The following MRPS5 variants were observed in gnomAD, a reference collection of about 807,000 sequenced individuals.
MRPS5 encodes the protein mitochondrial ribosomal protein S5, also known as small ribosomal subunit protein uS5m.
A neutral mutation model predicts 51.9 loss-of-function variants in MRPS5; 27 were observed. The ratio of observed to expected loss-of-function variants is 0.52; its 90% CI spans 0.38 to 0.72. MRPS5 has a LOEUF of 0.72. MRPS5 is among the 30% of genes least tolerant of loss of function. The pLI is 0.00. For missense variants in MRPS5, 570 were observed against 545.7 expected (o/e 1.04, Z -0.44); for synonymous variants, 196 against 193.2 (o/e 1.01, Z -0.12).
intron 4 of MRPS5, among the ~76,000 whole-genome samples, chr2:95,108,927 A>G (rs1286230671): frequency 6.6e-6 from 1 of 152,142 alleles, no homozygotes; most frequent in Non-Finnish European, 1.5e-5. Flanking sequence ...ATAAATTAAT[A>G]ACAATTTAAT....
In MRPS5 at chr2:95,086,960, A is replaced by G. The variant is rs2104387526; in HGVS notation, c.*397T>C. 6.6e-6 allele frequency among the ~76,000 whole-genome samples: 1 copy of G among 152,330 alleles called. No individual in the cohort carries two copies. The highest frequency in any genetic ancestry group is 1.9e-4 in the East Asian group (1 of 5,184). ...GTTTGGAAGTTCCTCACGGTAGTCA[A>G]GTTACTTAACTGCTCTGTAAAATGA... On this transcript the variant is annotated 3_prime_UTR_variant, in exon 12 of 12. Coordinates refer to ENST00000272418, the MANE Select transcript of MRPS5 (RefSeq NM_031902.5).
intron 3 of MRPS5, among the ~76,000 whole-genome samples, chr2:95,113,888 G>A (rs1220726937): frequency 6.6e-6 from 1 of 151,962 alleles, no homozygotes; most frequent in African/African-American, 2.4e-5. Context: ...TTGGGAGGCT[G>A]AGGCAGGTGG....
intron 7 of MRPS5, among the ~76,000 whole-genome samples, chr2:95,102,168 A>C (rs1310631435): frequency 1.3e-5 from 2 of 151,742 alleles, no homozygotes; most frequent in Non-Finnish European, 2.9e-5. Context: ...AAAAAAAAAA[A>C]CCTAACAATA....
At chr2:95,092,972 T>C (rs1224577774) in intron 10 of MRPS5, 1 of 152,238 alleles carries the variant, frequency 6.6e-6, no homozygotes, top group Non-Finnish European at 1.5e-5. Flanking sequence ...TGTGACAGAC[T>C]GTACCGGGAA....
At chr2:95,108,771 G>A (rs1409182205) in intron 4 of MRPS5, among the ~76,000 whole-genome samples, 3 of 152,046 alleles carry the variant, frequency 2.0e-5, no homozygotes, top group Admixed American at 2.0e-4. Flanking sequence ...AAAAGAACAA[G>A]GTAACTCTCT....
At chr2:95,106,623 C>T (rs1675958879) in intron 5 of MRPS5, 166 bp from the exon 6 acceptor site, 1 of 638,672 alleles carries the variant, frequency 1.6e-6, no homozygotes, top group African/African-American at 1.8e-5. Context: ...TCACTAGAGA[C>T]TGCTCCACCA....
At chr2:95,112,866 G>A (rs540950461) in intron 3 of MRPS5, among the ~76,000 whole-genome samples, 24 of 152,138 alleles carry the variant, frequency 1.6e-4, no homozygotes, top group East Asian at 5.8e-4. Context: ...TTAGCCGGGC[G>A]TGGTGGCGGG....
intron 1 of MRPS5, among the ~76,000 whole-genome samples, chr2:95,120,982 G>C (rs1259465399): frequency 6.6e-6 from 1 of 152,166 alleles, no homozygotes; most frequent in East Asian, 1.9e-4. Flanking sequence ...GCCAGGCATG[G>C]TGGCAGACGC....
At chr2:95,098,422 A>G (rs571695507) in intron 10 of MRPS5, among the ~76,000 whole-genome samples, 2 of 152,362 alleles carry the variant, frequency 1.3e-5, no homozygotes, top group East Asian at 3.9e-4. Flanking sequence ...TCACAATAGC[A>G]AAGACTTGGA....
chr2:95,102,272 T>C (rs1675824890), intron 7 of MRPS5, among the ~76,000 whole-genome samples: 3 of 152,182 alleles, frequency 2.0e-5, no homozygotes, highest in Non-Finnish European at 4.4e-5. Context: ...TGCTGCCTTT[T>C]AAAAATATCT....
At chr2:95,121,572 G>A (rs1344095482) in intron 1 of MRPS5, among the ~76,000 whole-genome samples, 162 bp downstream of exon 1, 2 of 152,222 alleles carry the variant, frequency 1.3e-5, no homozygotes, top group Non-Finnish European at 2.9e-5. Context: ...GAGAGGACGC[G>A]CGCAAGGTCA....
intron 10 of MRPS5, among the ~76,000 whole-genome samples, chr2:95,099,207 C>T (rs573079884): frequency 4.0e-5 from 6 of 150,850 alleles, no homozygotes; most frequent in African/African-American, 7.3e-5. Context: ...CGTGAGCCAC[C>T]GTGCCCGGCC....
intron 1 of MRPS5, 122 bp downstream of exon 1, chr2:95,121,612 C>T: frequency 1.8e-6 from 2 of 1,099,176 alleles, no homozygotes; most frequent in East Asian, 6.2e-5. Context: ...GGTGGGGGCA[C>T]GGCGTGAAGA....
intron 7 of MRPS5, 151 bp from the exon 8 acceptor site, chr2:95,101,874 C>G (rs1008647899): frequency 1.7e-6 from 1 of 602,870 alleles, no homozygotes; most frequent in African/African-American, 1.9e-5. Flanking sequence ...CATTAATAGG[C>G]TGGGTGTAAT....
In MRPS5 at chr2:95,115,418, A is replaced by C. The variant is rs189963105; in HGVS notation, c.140-215T>G. On this transcript the variant is annotated intron_variant, in intron 2 of 11. Coordinates refer to ENST00000272418, the MANE Select transcript of MRPS5 (RefSeq NM_031902.5). Reference sequence around the variant, plus strand: ...TGGGAAAGTTATAGTTCATCCGCACAACGGGGGCAGCTGGGTAAAGAAAGA... The same window carrying C: ...TGGGAAAGTTATAGTTCATCCGCACCACGGGGGCAGCTGGGTAAAGAAAGA... Among the ~76,000 whole-genome samples the C allele has an allele frequency of 1.5e-3, 234 of 152,304 alleles. 2 individuals are homozygous for C. The highest frequency in any genetic ancestry group is 5.5e-3 in the African/African-American group (228 of 41,574).
chr2:95,109,384 G>A (rs1676048784), intron 4 of MRPS5, among the ~76,000 whole-genome samples: 2 of 152,164 alleles, frequency 1.3e-5, no homozygotes, highest in Admixed American at 1.3e-4. Flanking sequence ...AAAAGCATGA[G>A]TATAAACAAT....
intron 5 of MRPS5, among the ~76,000 whole-genome samples, chr2:95,106,995 G>T (rs1249083784): frequency 1.3e-5 from 2 of 152,100 alleles, no homozygotes; most frequent in African/African-American, 4.8e-5. Flanking sequence ...CTGCCAGCTG[G>T]CCTTTATGTC....
chr2:95,119,735 G>A (rs902411218), intron 1 of MRPS5, among the ~76,000 whole-genome samples: 2 of 152,138 alleles, frequency 1.3e-5, no homozygotes, highest in African/African-American at 4.8e-5. Context: ...GTAAAATGGT[G>A]CAGCTTTGGA....
At position 95,086,079 on chromosome 2, in the gene MRPS5, T is replaced by C. The variant is rs1413608558; in HGVS notation, c.*1278A>G. Among the ~76,000 whole-genome samples the C allele has an allele frequency of 6.6e-6, 1 of 152,102 alleles. No homozygotes were observed. The highest frequency in any genetic ancestry group is 6.6e-5 in the Admixed American group (1 of 15,256). ...CATACACCACCATGTGTGTCTAACT[T>C]TTAAATTTACTTTTACTTTTTGTAG... is the stretch of plus-strand genomic sequence containing the variant. On this transcript the variant is annotated 3_prime_UTR_variant, in exon 12 of 12. Transcript: ENST00000272418.
Sources: allele counts gnomAD v4.1 joint callset (sites outside exome capture counted in the v4.1 genomes callset), GRCh38; gene constraint gnomAD v4.1.1; transcripts MANE v1.5; gene names NCBI Gene and HGNC (gene_info 2026-07-23, HGNC 2026-07-21).